The following TRAPPC9 variants were observed in gnomAD, a reference collection of about 807,000 sequenced individuals.
TRAPPC9 encodes the protein trafficking protein particle complex subunit 9.
In TRAPPC9, 83 loss-of-function variants were observed where a neutral mutation model predicts 124.0. The observed-to-expected ratio is 0.67, with a 90% CI of 0.56 to 0.80. TRAPPC9 has a LOEUF of 0.80. Ranked by LOEUF, TRAPPC9 falls within the 30% of genes least tolerant of loss-of-function variation. The pLI, the probability that TRAPPC9 is intolerant of heterozygous loss-of-function variation, is 0.00. For synonymous variants in TRAPPC9, 638 were observed against 617.5 expected (o/e 1.03, Z -0.49); for missense variants, 1,302 against 1,508.3 (o/e 0.86, Z 2.27).
At chr8:140,128,309 A>C (rs2061135292) in intron 17 of TRAPPC9, among the ~76,000 whole-genome samples, 1 of 152,218 alleles carries the variant, frequency 6.6e-6, no homozygotes, top group Non-Finnish European at 1.5e-5. Flanking sequence ...CACACACACA[A>C]GTTTTCATGG....
At chr8:139,746,135 C>T (rs924732770) in intron 21 of TRAPPC9, among the ~76,000 whole-genome samples, 1 of 152,232 alleles carries the variant, frequency 6.6e-6, no homozygotes, top group Non-Finnish European at 1.5e-5. Flanking sequence ...CAATCGCCGC[C>T]GGTGGCACCT....
At chr8:139,950,299 G>A (rs750978608) in intron 19 of TRAPPC9, among the ~76,000 whole-genome samples, 4 of 152,240 alleles carry the variant, frequency 2.6e-5, no homozygotes, top group Non-Finnish European at 4.4e-5. Flanking sequence ...TTGGCAAACC[G>A]CGGAGCTCAG....
intron 21 of TRAPPC9, among the ~76,000 whole-genome samples, chr8:139,823,759 C>G (rs769059631): frequency 7.9e-5 from 12 of 152,202 alleles, no homozygotes; most frequent in Non-Finnish European, 1.6e-4. Flanking sequence ...CTGAACATCC[C>G]TGGGGCCTGC....
chr8:140,027,266 T>TTC (rs1840205611), intron 17 of TRAPPC9, among the ~76,000 whole-genome samples: 1 of 152,176 alleles, frequency 6.6e-6, no homozygotes, highest in African/African-American at 2.4e-5. Flanking sequence ...AAATAATAAA[T>TTC]AAATGAAGCC....
intron 11 of TRAPPC9, among the ~76,000 whole-genome samples, chr8:140,299,051 C>T (rs1165168003): frequency 6.6e-6 from 1 of 152,116 alleles, no homozygotes; most frequent in Non-Finnish European, 1.5e-5. Flanking sequence ...GCCTGCAAGG[C>T]GCTGGGATCA....
intron 17 of TRAPPC9, chr8:140,098,832 G>GT (rs2060509780): frequency 6.8e-6 from 1 of 146,714 alleles, no homozygotes; most frequent in African/African-American, 2.5e-5. Flanking sequence ...CCAGCTAGAT[G>GT]TAAGTGCGCA....
At chr8:140,089,147 C>G (rs541213566) in intron 17 of TRAPPC9, among the ~76,000 whole-genome samples, 1 of 152,218 alleles carries the variant, frequency 6.6e-6, no homozygotes, top group Non-Finnish European at 1.5e-5. Context: ...GTGGGCTGTA[C>G]AAGTTTCTCC....
intron 19 of TRAPPC9, among the ~76,000 whole-genome samples, chr8:139,959,527 G>A (rs1488937598): frequency 6.6e-6 from 1 of 152,300 alleles, no homozygotes; most frequent in Admixed American, 6.5e-5. Context: ...GGGCACCAAC[G>A]CTGGCAAGCC....
At chr8:139,872,358 G>GATGCGTAGGTA (rs1563880093) in intron 21 of TRAPPC9, among the ~76,000 whole-genome samples, 2 of 97,928 alleles carry the variant, frequency 2.0e-5, no homozygotes, top group Non-Finnish European at 5.3e-5. Flanking sequence ...GCTGGTGGAT[G>GATGCGTAGGTA]GGTTGATGGG....
At chr8:139,740,526 C>T (rs1464294414) in intron 21 of TRAPPC9, among the ~76,000 whole-genome samples, 2 of 152,214 alleles carry the variant, frequency 1.3e-5, no homozygotes, top group African/African-American at 4.8e-5. Context: ...CACTCAGCGC[C>T]CACATCCTCC....
intron 21 of TRAPPC9, among the ~76,000 whole-genome samples, chr8:139,756,904 G>A (rs1819857437): frequency 1.4e-5 from 2 of 140,234 alleles, no homozygotes; most frequent in African/African-American, 5.4e-5. Context: ...CAGGGTTTGG[G>A]GATGAGGACA....
At chr8:140,126,139 A>C (rs764010303) in intron 17 of TRAPPC9, among the ~76,000 whole-genome samples, 12 of 151,694 alleles carry the variant, frequency 7.9e-5, no homozygotes, top group Non-Finnish European at 1.3e-4. Context: ...TTCCTTAGTA[A>C]AGTTGATTTG....
At chr8:140,299,102 CA>C (rs2065892656) in intron 11 of TRAPPC9, among the ~76,000 whole-genome samples, 1 of 152,092 alleles carries the variant, frequency 6.6e-6, no homozygotes, top group African/African-American at 2.4e-5. Flanking sequence ...GAACAGAGAC[CA>C]AAAGGATGTG....
intron 13 of TRAPPC9, 135 bp from the exon 14 acceptor site, chr8:140,284,156 C>T (rs2065415994): frequency 5.5e-6 from 6 of 1,099,630 alleles, no homozygotes; most frequent in Non-Finnish European, 6.8e-6. Context: ...CCCGCCGGCG[C>T]TCACCCACAC....
Position 139,910,237 on chromosome 8 carries a change from C to T in TRAPPC9, c.2874G>A (p.Gly958=), listed in dbSNP as rs1285579565. 12 of 1,614,020 alleles carry T rather than the reference C, an allele frequency of 7.4e-6. No individual in the cohort carries two copies. The South Asian group carries it at 1.3e-4, about 18-fold the overall frequency. ...CCAGCTGCTTGGGGTTTGCAAATTG[C>T]CCCTTCTCCCCAGGGGACTCCGGGA... ...ESFPESPGEK[G]QFANPKQLEE... The change falls in exon 20 of 23, where the codon GGG becomes GGA. Residue 958 remains glycine, a synonymous_variant. Transcript: ENST00000438773.
chr8:139,921,163 T>C (rs1832480018), intron 19 of TRAPPC9, among the ~76,000 whole-genome samples: 1 of 152,154 alleles, frequency 6.6e-6, no homozygotes, highest in Non-Finnish European at 1.5e-5. Flanking sequence ...TCGGCTGTAG[T>C]CTCCTGAGGC....
chr8:140,268,461 G>A (rs1162122147), intron 15 of TRAPPC9, among the ~76,000 whole-genome samples: 1 of 152,224 alleles, frequency 6.6e-6, no homozygotes, highest in African/African-American at 2.4e-5. Flanking sequence ...CCGCAGCTTG[G>A]AACAAGAATT....
intron 17 of TRAPPC9, chr8:140,100,271 T>A (rs926028437): frequency 1.3e-5 from 2 of 148,534 alleles, no homozygotes; most frequent in African/African-American, 5.0e-5. Flanking sequence ...TAGGTCTCAG[T>A]GCGCAGCTTC....
chr8:139,998,203 A>G (rs1838165789), intron 18 of TRAPPC9, among the ~76,000 whole-genome samples: 1 of 152,280 alleles, frequency 6.6e-6, no homozygotes, highest in Non-Finnish European at 1.5e-5. Flanking sequence ...TCAGAAGTCC[A>G]TATCTATTAA....
Sources: allele counts gnomAD v4.1 joint callset (sites outside exome capture counted in the v4.1 genomes callset), GRCh38; gene constraint gnomAD v4.1.1; transcripts MANE v1.5; gene names NCBI Gene and HGNC (gene_info 2026-07-23, HGNC 2026-07-21).